The following SGCZ variants were observed in gnomAD, a reference collection of about 807,000 sequenced individuals.
SGCZ encodes sarcoglycan zeta, also known as zeta-sarcoglycan.
In SGCZ, 40 loss-of-function variants were observed where a neutral mutation model predicts 41.3. The ratio of observed to expected loss-of-function variants is 0.97; its 90% confidence interval spans 0.75 to 1.26. The LOEUF is 1.26. Ranked by LOEUF, SGCZ falls within the 50% of genes most tolerant of loss-of-function variation. The probability of loss-of-function intolerance (pLI) is 0.00; values close to 1 mark genes in which losing one functional copy is unlikely to be tolerated. For missense variants in SGCZ, 552 were observed against 369.8 expected, an observed-to-expected ratio of 1.49 and a Z score of -4.04; for synonymous variants, 206 against 137.5, an observed-to-expected ratio of 1.50 and a Z score of -3.49.
intron 1 of SGCZ, among the ~76,000 whole-genome samples, chr8:14,652,984 G>C (rs1038080694): frequency 2.0e-5 from 3 of 152,044 alleles, no homozygotes; most frequent in Non-Finnish European, 4.4e-5. Flanking sequence ...ACTTTCAAAT[G>C]ACTTCAGATA....
chr8:14,287,203 T>TTA (rs1335876532), intron 3 of SGCZ, among the ~76,000 whole-genome samples: 3 of 151,206 alleles, frequency 2.0e-5, no homozygotes, highest in African/African-American at 4.8e-5. Context: ...TTGTCTTTAG[T>TTA]TATATATATA....
chr8:14,731,902 C>T (rs1417515145), intron 1 of SGCZ, among the ~76,000 whole-genome samples: 1 of 152,098 alleles, frequency 6.6e-6, no homozygotes, highest in Non-Finnish European at 1.5e-5. Flanking sequence ...GATCTCTGAC[C>T]TATTATCATG....
chr8:14,867,975 T>C (rs185692492), intron 1 of SGCZ, among the ~76,000 whole-genome samples: 190 of 151,794 alleles, frequency 1.3e-3, no homozygotes, highest in Non-Finnish European at 1.7e-3. Context: ...GGAAAAACAT[T>C]CTATATAACA....
At chr8:14,143,925 G>A (rs1328340230) in intron 5 of SGCZ, among the ~76,000 whole-genome samples, 1 of 152,136 alleles carries the variant, frequency 6.6e-6, no homozygotes, top group Non-Finnish European at 1.5e-5. Context: ...CTCAGCTGAT[G>A]CCCATCCACA....
At chr8:15,104,375 C>G (rs7844567) in intron 1 of SGCZ, among the ~76,000 whole-genome samples, 28,246 of 152,134 alleles carry the variant, frequency 0.19, 2,866 homozygotes, top group East Asian at 0.37. Context: ...CATGCACACA[C>G]TGGCACATCA....
intron 2 of SGCZ, among the ~76,000 whole-genome samples, chr8:14,506,978 A>T (rs147315252): frequency 2.0e-4 from 31 of 152,086 alleles, no homozygotes; most frequent in African/African-American, 7.5e-4. Flanking sequence ...CCGTGATCTT[A>T]TCTCAACTCA....
At chr8:14,821,860 G>A (rs769963602) in intron 1 of SGCZ, among the ~76,000 whole-genome samples, 25 of 152,106 alleles carry the variant, frequency 1.6e-4, no homozygotes, top group Middle Eastern at 3.4e-3. Flanking sequence ...CTATCATACC[G>A]AATGGGGAAA....
chr8:14,614,235 C>T (rs1806021773), intron 1 of SGCZ, among the ~76,000 whole-genome samples: 1 of 152,086 alleles, frequency 6.6e-6, no homozygotes, highest in African/African-American at 2.4e-5. Context: ...AATCTCCAAA[C>T]CAACTTGAAA....
chr8:14,727,934 A>G (rs1810111707), intron 1 of SGCZ, among the ~76,000 whole-genome samples: 1 of 152,262 alleles, frequency 6.6e-6, no homozygotes, highest in Non-Finnish European at 1.5e-5. Context: ...AGTAAACTAT[A>G]GACACATGCA....
At chr8:14,846,361 AACTT>A (rs1209452443) in intron 1 of SGCZ, among the ~76,000 whole-genome samples, 1 of 152,054 alleles carries the variant, frequency 6.6e-6, no homozygotes, top group Non-Finnish European at 1.5e-5. Flanking sequence ...TTGGACCAAA[AACTT>A]AATATATACA....
intron 2 of SGCZ, among the ~76,000 whole-genome samples, chr8:14,446,335 G>A (rs1240877951): frequency 2.0e-5 from 3 of 152,120 alleles, no homozygotes; most frequent in Non-Finnish European, 2.9e-5. Flanking sequence ...GTGTCAGTGA[G>A]CTTTCTTTCA....
intron 5 of SGCZ, among the ~76,000 whole-genome samples, chr8:14,152,445 C>T (rs555760974): frequency 1.2e-4 from 18 of 152,124 alleles, no homozygotes; most frequent in Non-Finnish European, 2.2e-4. Context: ...GGGAGGATCG[C>T]TTGAGCCCAG....
intron 4 of SGCZ, among the ~76,000 whole-genome samples, chr8:14,221,698 G>T (rs1806199806): frequency 6.6e-6 from 1 of 152,080 alleles, no homozygotes. Context: ...CACTTTGGGA[G>T]ACCGAGGAAG....
intron 1 of SGCZ, among the ~76,000 whole-genome samples, chr8:15,094,487 A>T (rs1806264540): frequency 6.6e-6 from 1 of 152,172 alleles, no homozygotes; most frequent in South Asian, 2.1e-4. Context: ...ATGAGCCGGG[A>T]ATTCAGTGAC....
At chr8:14,660,032 G>A (rs1305528536) in intron 1 of SGCZ, among the ~76,000 whole-genome samples, 1 of 152,190 alleles carries the variant, frequency 6.6e-6, no homozygotes, top group Admixed American at 6.6e-5. Flanking sequence ...TAAGAGAGAA[G>A]TTTGAAACAG....
At chr8:14,778,883 T>C (rs762297440) in intron 1 of SGCZ, among the ~76,000 whole-genome samples, 3 of 152,208 alleles carry the variant, frequency 2.0e-5, no homozygotes, top group Non-Finnish European at 4.4e-5. Flanking sequence ...AGTGTAAAGT[T>C]ATATCGCCAT....
intron 4 of SGCZ, among the ~76,000 whole-genome samples, chr8:14,181,142 C>T (rs771848189): frequency 1.3e-5 from 2 of 152,070 alleles, no homozygotes; most frequent in Non-Finnish European, 2.9e-5. Flanking sequence ...GGAGAAAACC[C>T]AATGGTAATA....
rs17121164 is a variant in SGCZ, at chr8:15,231,489, G to A, written c.39+6096C>T. Among the ~76,000 whole-genome samples the A allele has an allele frequency of 9.9e-3, 1,496 of 151,730 alleles. 22 individuals carry two copies. The highest frequency in any genetic ancestry group is 0.034 in the African/African-American group (1,389 of 41,382). The stretch of plus-strand genomic sequence containing the variant: ...GTAACCTTAAATTTGCTCATTCTGT[G>A]GTTAGCATAGAAGTCTCTCATCAGT... On this transcript the variant is annotated intron_variant, in intron 1 of 7. Coordinates refer to ENST00000382080, the MANE Select transcript of SGCZ (RefSeq NM_139167.4).
chr8:14,755,717 C>G (rs1440112226), intron 1 of SGCZ, among the ~76,000 whole-genome samples: 1 of 152,078 alleles, frequency 6.6e-6, no homozygotes, highest in African/African-American at 2.4e-5. Flanking sequence ...ATCACCTCCA[C>G]TAAAGGCTGT....
Sources: gnomAD v4.1 joint callset for allele counts (sites outside exome capture counted in the v4.1 genomes callset) on GRCh38, gnomAD v4.1.1 for gene constraint, MANE v1.5 for transcripts, NCBI Gene and HGNC (gene_info 2026-07-23, HGNC 2026-07-21) for gene names.